Variants in C2CD2 observed in about 807,000 individuals in gnomAD.
C2CD2 encodes the protein C2 domain-containing protein 2.
In C2CD2, 43 loss-of-function variants were observed where a neutral mutation model predicts 74.3. The observed-to-expected ratio is 0.58, with a 90% CI of 0.45 to 0.75. The LOEUF (loss-of-function observed/expected upper bound fraction) is 0.75, where lower values mean the gene tolerates loss of function less well. Among genes scored for constraint, C2CD2 ranks in the 30% least tolerant of loss-of-function variants. C2CD2 has a pLI of 0.00. For missense variants in C2CD2, 801 were observed against 916.3 expected, an observed-to-expected ratio of 0.87 and a Z score of 1.63; for synonymous variants, 422 against 390.7, an observed-to-expected ratio of 1.08 and a Z score of -0.94.
In C2CD2 at chr21:41,887,401, T is replaced by G. The variant is rs992993210; in HGVS notation, c.*1723A>C. The G allele has an allele frequency of 6.6e-6, 1 of 152,148 alleles. No homozygotes were observed. Among genetic ancestry groups the G allele is most frequent in the Admixed American group, 6.5e-5 (1 of 15,270 alleles). The allele number at this position is 152,148 out of a possible 1,614,324, so 9.4% of individuals were successfully genotyped here. On this transcript the variant is annotated 3_prime_UTR_variant, in exon 14 of 14. Transcript: ENST00000380486. ...ACCTAAGAAGTTTGTAATGCGCATTTTAAAGTGAAATTCCTAATGTCGTTT... is the reference window on the plus strand; with the variant it reads ...ACCTAAGAAGTTTGTAATGCGCATTGTAAAGTGAAATTCCTAATGTCGTTT...
In C2CD2 at chr21:41,896,826, C is replaced by T. The variant is rs553266146; in HGVS notation, c.1870+2227G>A. 3.3e-5 allele frequency among the ~76,000 whole-genome samples: 5 copies of T among 151,996 alleles called. No homozygotes were observed. In the East Asian group the frequency reaches 9.7e-4, roughly 29 times the overall value. ...TGACTTGGCACCCATAACACAGAAT[C>T]GTCTCAGATTGTGACAGCATCTCAC... On this transcript the variant is annotated intron_variant, in intron 13 of 13. Transcript: ENST00000380486.
At position 41,926,282 on chromosome 21, in the gene C2CD2, T is replaced by A. The variant is rs1482434109; in HGVS notation, c.379-4197A>T. 5.7e-6 allele frequency: 1 copy of A among 174,578 alleles called. No homozygotes were observed. Among genetic ancestry groups the A allele is most frequent in the Non-Finnish European group, 1.1e-5 (1 of 88,686 alleles). The allele number at this position is 174,578 out of a possible 1,614,324, so 10.8% of individuals were successfully genotyped here. A position where few individuals can be genotyped will look rare whatever the true frequency, so the allele number is the denominator to read the frequency against. ...ATTTGAAAATCAAGCAACAGAAGGG[T>A]GAACTTTGTATTCCAAATAAACAGC... On this transcript the variant is annotated intron_variant, in intron 2 of 13. Transcript: ENST00000380486. The surrounding 1 kb of genome is among the most constrained non-coding windows in gnomAD (Gnocchi z 8.0).
At chr21:41,953,214 C>T (rs570397230) in intron 1 of C2CD2, 156 bp downstream of exon 1, 46 of 433,772 alleles carry the variant, frequency 1.1e-4, no homozygotes, top group African/African-American at 8.3e-4. Context: ...GCCTCGCTCC[C>T]CCGTCTCTCT....
At chr21:41,948,899 T>TTTTTTTG (rs2065426953) in intron 1 of C2CD2, among the ~76,000 whole-genome samples, 1 of 144,278 alleles carries the variant, frequency 6.9e-6, no homozygotes, top group Non-Finnish European at 1.5e-5. Context: ...TTTTCTTTTT[T>TTTTTTTG]TTTACAAAGA....
At position 41,948,870 on chromosome 21, in the gene C2CD2, C is replaced by CTTT. The variant is rs967927171; in HGVS notation, c.279+4497_279+4499dup. Among the ~76,000 whole-genome samples, 156 of 80,698 alleles carry CTTT rather than the reference C, an allele frequency of 1.9e-3. 19 individuals carry two copies. Among genetic ancestry groups the CTTT allele is most frequent in the East Asian group, 3.3e-3 (10 of 3,064 alleles). 52.9% of individuals were successfully genotyped at this position (80,698 alleles called of 152,430 possible). A position where few individuals can be genotyped will look rare whatever the true frequency, so the allele number is the denominator to read the frequency against. ...AATATGTTCCAAGTCCACACAGCAT[C>CTTT]TTTTTTTTTTTTTTTTTTTTTTCTT... On this transcript the variant is annotated intron_variant, in intron 1 of 13. Transcript: ENST00000380486.
Position 41,895,111 on chromosome 21 carries a change from G to C in C2CD2, c.1870+3942C>G. ...GAGATTATCCTGGAGAATGTGGGTA[G>C]GCCTCATCCAATCAGCTGAAGGCCC... is the stretch of plus-strand genomic sequence containing the variant. On this transcript the variant is annotated intron_variant, in intron 13 of 13. Coordinates refer to ENST00000380486, the MANE Select transcript of C2CD2 (RefSeq NM_015500.2). This position sits in a 1 kb window ranked among gnomAD's most constrained non-coding sequence, Gnocchi z 5.0. 2.7e-6 allele frequency: 1 copy of C among 371,290 alleles called. No individual in the cohort carries two copies. Among genetic ancestry groups the C allele is most frequent in the Admixed American group, 3.2e-5 (1 of 30,920 alleles). The allele number at this position is 371,290 out of a possible 1,614,324, so 23.0% of individuals were successfully genotyped here.
At chr21:41,947,142 C>CTCCT (rs1230698974) in intron 1 of C2CD2, among the ~76,000 whole-genome samples, 1 of 131,624 alleles carries the variant, frequency 7.6e-6, no homozygotes, top group Non-Finnish European at 1.7e-5. Flanking sequence ...CTCTCTCTCC[C>CTCCT]TCCCTCCCTC....
At chr21:41,908,612 C>T (rs1008736013) in intron 8 of C2CD2, 5 of 152,100 alleles carry the variant, frequency 3.3e-5, no homozygotes, top group Admixed American at 6.5e-5. Context: ...TCAAGGAAGT[C>T]GCCTCAGGAT....
rs2839422 is a variant in C2CD2 at position 41,918,219 on chromosome 21, C to A, written c.606G>T (p.Val202=). The A allele has an allele frequency of 0.043, 70,179 of 1,613,834 alleles. 2,258 individuals are homozygous for A. Among genetic ancestry groups the A allele is most frequent in the South Asian group, 0.12 (11,288 of 91,038 alleles). The part of the protein sequence containing the change: ...IQPKALGEDQ[V]AETSAMSDVL... Reference sequence around the variant, plus strand: ...CGTCAGACATCGCACTTGTCTCAGCCACCTGGTCCTGGTGAAAGAGGAGAA... The same window carrying A: ...CGTCAGACATCGCACTTGTCTCAGCAACCTGGTCCTGGTGAAAGAGGAGAA... The change falls in exon 5 of 14, where the codon GTG becomes GTT. Residue 202 remains valine, a synonymous_variant. Transcript: ENST00000380486.
chr21:41,942,124 AG>A, intron 2 of C2CD2, 22 bp downstream of exon 2: 1 of 1,548,136 alleles, frequency 6.5e-7, no homozygotes, highest in Non-Finnish European at 8.7e-7. Flanking sequence ...CTCTTCCTGC[AG>A]GGAATGGGCT....
chr21:41,912,242 C>G (rs1450456092), intron 7 of C2CD2, 90 bp downstream of exon 7: 4 of 723,056 alleles, frequency 5.5e-6, no homozygotes, highest in Non-Finnish European at 9.6e-6. Context: ...GTGTTTTAGC[C>G]TAAACGGTGC....
chr21:41,944,309 G>A (rs1033074556), intron 1 of C2CD2, among the ~76,000 whole-genome samples: 4 of 151,970 alleles, frequency 2.6e-5, no homozygotes, highest in Non-Finnish European at 5.9e-5. Context: ...TCAGGCGATC[G>A]AGACCATCCT....
chr21:41,899,316 G>A lies in C2CD2; in HGVS notation c.1607C>T (p.Thr536Met), dbSNP rs142724154. Residue 536 changes from threonine (T) to methionine (M), a missense_variant, in exon 13 of 14, where the codon ACG becomes ATG. By Grantham distance (81) the Thr-to-Met change is moderately conservative. Coordinates refer to ENST00000380486, the MANE Select transcript of C2CD2 (RefSeq NM_015500.2). The surrounding 1 kb of genome is among the most constrained non-coding windows in gnomAD (Gnocchi z 4.4). ...CTGGTGGGTGCTGTCCACAGAGGCCGTGTAGCCCTGCATCAGGGCAGCGTC... is the reference window on the plus strand; with the variant it reads ...CTGGTGGGTGCTGTCCACAGAGGCCATGTAGCCCTGCATCAGGGCAGCGTC... Reference protein sequence around the residue: ...DHDAALMQGYTASVDSTHQED... With the variant: ...DHDAALMQGYMASVDSTHQED... 22 of 1,609,942 alleles carry A rather than the reference G, an allele frequency of 1.4e-5. No individual in the cohort carries two copies. Among genetic ancestry groups the A allele is most frequent in the African/African-American group, 5.3e-5 (4 of 75,040 alleles).
At chr21:41,901,995 T>C (rs1023619283) in intron 11 of C2CD2, among the ~76,000 whole-genome samples, 2 of 152,182 alleles carry the variant, frequency 1.3e-5, no homozygotes, top group Non-Finnish European at 2.9e-5. Context: ...CAGTAAAACT[T>C]TATTTACAAA....
intron 13 of C2CD2, chr21:41,894,805 A>C (rs557153865): frequency 6.6e-6 from 3 of 456,774 alleles, no homozygotes; most frequent in South Asian, 4.6e-5. Flanking sequence ...TAAACGATGC[A>C]GGGAGAACAG....
At chr21:41,898,926 G>A (rs1222685274) in intron 13 of C2CD2, 127 bp downstream of exon 13, 2 of 734,330 alleles carry the variant, frequency 2.7e-6, no homozygotes, top group Admixed American at 4.1e-5. Flanking sequence ...GGAGGGGCAG[G>A]GGTGAGGCTG....
chr21:41,935,172 G>A (rs2065296504), intron 2 of C2CD2, among the ~76,000 whole-genome samples: 1 of 152,208 alleles, frequency 6.6e-6, no homozygotes, highest in African/African-American at 2.4e-5. Flanking sequence ...TTACAGGTAT[G>A]AGCCACCGCG....
rs1430231861 is a variant in C2CD2 at position 41,948,874 on chromosome 21, T to TA, written c.279+4495_279+4496insT. ...TGTTCCAAGTCCACACAGCATCTTT[T>TA]TTTTTTTTTTTTTTTTTTCTTTTTT... On this transcript the variant is annotated intron_variant, in intron 1 of 13. Coordinates refer to ENST00000380486, the MANE Select transcript of C2CD2 (RefSeq NM_015500.2). Among the ~76,000 whole-genome samples, 320 of 118,320 alleles carry TA rather than the reference T, an allele frequency of 2.7e-3. 1 individual carries two copies. Among genetic ancestry groups the TA allele is most frequent in the African/African-American group, 0.011 (310 of 28,428 alleles). 77.6% of individuals were successfully genotyped at this position (118,320 alleles called of 152,430 possible). A position where few individuals can be genotyped will look rare whatever the true frequency, so the allele number is the denominator to read the frequency against.
intron 3 of C2CD2, 39 bp from the exon 4 acceptor site, chr21:41,918,999 C>A (rs774663609): frequency 1.4e-6 from 2 of 1,478,934 alleles, no homozygotes; most frequent in Non-Finnish European, 1.9e-6. Context: ...ACTCTTTCCA[C>A]CAAAGCCTTA....
Sources: gnomAD v4.1 joint callset for allele counts (sites outside exome capture counted in the v4.1 genomes callset) on GRCh38, gnomAD v4.1.1 for gene constraint, Gnocchi (gnomAD v3.1) non-coding constraint, MANE v1.5 for transcripts, NCBI Gene and HGNC (gene_info 2026-07-23, HGNC 2026-07-21) for gene names.